The following JAZF1 variants were observed in gnomAD, a reference collection of about 807,000 sequenced individuals.
The protein encoded by JAZF1 is juxtaposed with another zinc finger protein 1.
JAZF1 carries 8 observed loss-of-function variants against 26.4 expected under a neutral mutation model. The observed-to-expected ratio is 0.30, with a 90% confidence interval of 0.18 to 0.55. JAZF1 has a LOEUF of 0.55. JAZF1 is among the 20% of genes least tolerant of loss of function. The pLI, the probability that JAZF1 is intolerant of heterozygous loss-of-function variation, is 0.94. For missense variants in JAZF1, 199 were observed against 322.0 expected (o/e 0.62, Z 2.92); for synonymous variants, 126 against 122.3 (o/e 1.03, Z -0.20).
intron 1 of JAZF1, among the ~76,000 whole-genome samples, chr7:28,102,043 T>C (rs1224279588): frequency 3.3e-5 from 5 of 151,588 alleles, no homozygotes; most frequent in East Asian, 1.9e-4. Flanking sequence ...AACTGGGGAG[T>C]GGTACCACCC....
chr7:27,885,213 T>G (rs1783837368), intron 3 of JAZF1, among the ~76,000 whole-genome samples: 1 of 152,204 alleles, frequency 6.6e-6, no homozygotes, highest in Non-Finnish European at 1.5e-5. Context: ...TGTCCCCCCA[T>G]TCCCAACTGT....
At chr7:28,057,253 G>A (rs1039703180) in intron 1 of JAZF1, among the ~76,000 whole-genome samples, 1 of 152,076 alleles carries the variant, frequency 6.6e-6, no homozygotes, top group Non-Finnish European at 1.5e-5. Flanking sequence ...TATTGTAAAA[G>A]CACATAAAAA....
intron 1 of JAZF1, among the ~76,000 whole-genome samples, chr7:28,172,148 T>C (rs1783480046): frequency 6.6e-6 from 1 of 152,208 alleles, no homozygotes; most frequent in South Asian, 2.1e-4. Context: ...AATCCTCATA[T>C]CACAATGACT....
chr7:27,931,904 C>A (rs903392967), intron 2 of JAZF1, among the ~76,000 whole-genome samples: 1 of 151,900 alleles, frequency 6.6e-6, no homozygotes, highest in South Asian at 2.1e-4. Flanking sequence ...CAAAGTGAGA[C>A]CCTGTCTCGA....
chr7:27,865,591 T>C (rs774680344), intron 3 of JAZF1, among the ~76,000 whole-genome samples: 1 of 151,966 alleles, frequency 6.6e-6, no homozygotes, highest in Non-Finnish European at 1.5e-5. Context: ...AACATTTAAA[T>C]AGGATATAAA....
At chr7:27,853,313 G>A (rs576027478) in intron 3 of JAZF1, among the ~76,000 whole-genome samples, 77 of 152,274 alleles carry the variant, frequency 5.1e-4, no homozygotes, top group Non-Finnish European at 1.1e-3. Flanking sequence ...TTCCCAGTAG[G>A]GGCCATTGTG....
In JAZF1 at chr7:28,109,058, G is replaced by T. The variant is rs1434742330; in HGVS notation, c.115+71405C>A. On this transcript the variant is annotated intron_variant, in intron 1 of 4. Transcript: ENST00000283928. ...TGGTTGCCAGGGGCTGGGGGTGGAT[G>T]GCTGGAGGAGGAATAGGAAGCCATT... is the stretch of plus-strand genomic sequence containing the variant. 8.5e-5 allele frequency among the ~76,000 whole-genome samples: 13 copies of T among 152,328 alleles called. No homozygotes were observed. The East Asian group carries it at 1.9e-3, about 23-fold the overall frequency.
intron 3 of JAZF1, among the ~76,000 whole-genome samples, chr7:27,871,669 T>A (rs1329077313): frequency 6.6e-6 from 1 of 152,266 alleles, no homozygotes; most frequent in East Asian, 1.9e-4. Flanking sequence ...AGTTTGTGCA[T>A]CCAAGAGAAA....
chr7:28,064,073 C>A (rs1396615414), intron 1 of JAZF1, among the ~76,000 whole-genome samples: 1 of 151,530 alleles, frequency 6.6e-6, no homozygotes, highest in East Asian at 1.9e-4. Context: ...TAGGTAACTG[C>A]CAAGAGTTAA....
intron 1 of JAZF1, among the ~76,000 whole-genome samples, chr7:28,080,784 A>G (rs1784123162): frequency 6.6e-6 from 1 of 152,230 alleles, no homozygotes; most frequent in Admixed American, 6.5e-5. Flanking sequence ...CAATTACAAT[A>G]GTAAAGTCAA....
At chr7:28,096,623 G>A (rs906297030) in intron 1 of JAZF1, among the ~76,000 whole-genome samples, 1 of 152,134 alleles carries the variant, frequency 6.6e-6, no homozygotes, top group Admixed American at 6.5e-5. Context: ...GCTCAAATCT[G>A]TTCTGAACAA....
chr7:28,060,830 G>A (rs1210674907), intron 1 of JAZF1, among the ~76,000 whole-genome samples: 1 of 152,186 alleles, frequency 6.6e-6, no homozygotes. Flanking sequence ...AGCAAGTTCA[G>A]GGTGAAAGTC....
At chr7:28,043,396 C>T (rs1294572026) in intron 1 of JAZF1, among the ~76,000 whole-genome samples, 1 of 152,118 alleles carries the variant, frequency 6.6e-6, no homozygotes, top group Non-Finnish European at 1.5e-5. Context: ...AACTACCCTC[C>T]CCTAAGCTCG....
intron 1 of JAZF1, among the ~76,000 whole-genome samples, chr7:28,058,854 T>G (rs1783756208): frequency 6.6e-6 from 1 of 152,222 alleles, no homozygotes; most frequent in African/African-American, 2.4e-5. Flanking sequence ...CTCAAGTATT[T>G]TACATGCCCT....
intron 1 of JAZF1, among the ~76,000 whole-genome samples, chr7:28,094,659 G>A (rs912309442): frequency 1.3e-5 from 2 of 152,244 alleles, no homozygotes; most frequent in Non-Finnish European, 2.9e-5. Flanking sequence ...TTTTCTGGCA[G>A]AAGGAACATG....
chr7:28,166,922 T>C (rs950514941), intron 1 of JAZF1, among the ~76,000 whole-genome samples: 15 of 152,166 alleles, frequency 9.9e-5, no homozygotes, highest in Admixed American at 4.6e-4. Flanking sequence ...GAAATGTATA[T>C]GGTTATTTTG....
Position 28,180,708 on chromosome 7 carries a change from C to T in JAZF1, c.-131G>A, listed in dbSNP as rs1239049898. 1 of 574,556 alleles carries T rather than the reference C, an allele frequency of 1.7e-6. No individual in the cohort carries two copies. The highest frequency in any genetic ancestry group is 2.0e-5 in the African/African-American group (1 of 50,350). The allele number at this position is 574,556 out of a possible 1,614,324, so 35.6% of individuals were successfully genotyped here. A position where few individuals can be genotyped will look rare whatever the true frequency, so the allele number is the denominator to read the frequency against. ...GAGAGAGGCGGGGTGAGGGGAGCGGCGAGGACGGGACGGAGGGAGAGGGGG... is the reference window on the plus strand; with the variant it reads ...GAGAGAGGCGGGGTGAGGGGAGCGGTGAGGACGGGACGGAGGGAGAGGGGG... On this transcript the variant is annotated 5_prime_UTR_variant, in exon 1 of 5. Coordinates refer to ENST00000283928, the MANE Select transcript of JAZF1 (RefSeq NM_175061.4).
rs190611873 is a variant in JAZF1 at position 27,971,500 on chromosome 7, A to T, written c.188+20409T>A. On this transcript the variant is annotated intron_variant, in intron 2 of 4. Transcript: ENST00000283928. ...GCCTTCAAAGGCAGGACTAGTCTTT[A>T]GGCTCAGCATAATGAACCTCAATGT... 1.2e-3 allele frequency among the ~76,000 whole-genome samples: 182 copies of T among 152,334 alleles called. 1 individual carries two copies. Among genetic ancestry groups the T allele is most frequent in the African/African-American group, 4.3e-3 (177 of 41,582 alleles).
chr7:28,017,350 G>GAA lies in JAZF1; in HGVS notation c.116-25371_116-25370dup, dbSNP rs1180100308. 1.8e-3 allele frequency among the ~76,000 whole-genome samples: 148 copies of GAA among 81,822 alleles called. 1 individual carries two copies. Among genetic ancestry groups the GAA allele is most frequent in the East Asian group, 4.8e-3 (16 of 3,362 alleles). 53.7% of individuals were successfully genotyped at this position (81,822 alleles called of 152,430 possible). On this transcript the variant is annotated intron_variant, in intron 1 of 4. Transcript: ENST00000283928. The stretch of plus-strand genomic sequence containing the variant: ...TAGGCGACAGTGAGACTCTGTTTCA[G>GAA]AAAAAAAAAAAAAAAAAAGCCATTA...
Sources: allele counts gnomAD v4.1 joint callset (sites outside exome capture counted in the v4.1 genomes callset), GRCh38; gene constraint gnomAD v4.1.1; transcripts MANE v1.5; gene names NCBI Gene and HGNC (gene_info 2026-07-23, HGNC 2026-07-21).